Variants in SLC25A43 observed in about 807,000 individuals in gnomAD.
The protein encoded by SLC25A43 is solute carrier family 25, member 43.
Under a neutral mutation model 22.8 loss-of-function variants are expected in SLC25A43, and 10 were observed. The ratio of observed to expected loss-of-function variants is 0.44; its 90% confidence interval spans 0.27 to 0.74. The LOEUF (loss-of-function observed/expected upper bound fraction) is 0.74, where lower values mean the gene tolerates loss of function less well. SLC25A43 is among the 30% of genes least tolerant of loss of function. The probability of loss-of-function intolerance (pLI) is 0.17; values close to 1 mark genes in which losing one functional copy is unlikely to be tolerated. For synonymous variants in SLC25A43, 106 were observed against 121.6 expected (o/e 0.87, Z 0.84); for missense variants, 233 against 279.1 (o/e 0.83, Z 1.18).
At chrX:119,441,539 T>TGTTTTAAAAGGGATCATCTGTGTC (rs2052623006) in intron 3 of SLC25A43, among the ~76,000 whole-genome samples, 1 of 112,156 alleles carries the variant, frequency 8.9e-6, no homozygotes, top group Admixed American at 9.5e-5. Context: ...AAGAATGCTT[T>TGTTTTAAAAGGGATCATCTGTGTC]GTTTTAAAAG....
intron 3 of SLC25A43, among the ~76,000 whole-genome samples, chrX:119,447,382 T>G (rs113045046): frequency 8.7e-4 from 97 of 111,757 alleles, no homozygotes; most frequent in African/African-American, 2.9e-3. Context: ...CATGGTTCAC[T>G]GCAGCCTCAA....
rs774218273 is a variant in SLC25A43, at chrX:119,418,738, G to C, written c.690+8376G>C. ...AATTATGCATGTGCATGTCTTGATA[G>C]AATGGCTTCTGGTGGGAAGGGGGGT... On this transcript the variant is annotated intron_variant, in intron 3 of 4. Transcript: ENST00000217909. 8.0e-5 allele frequency among the ~76,000 whole-genome samples: 9 copies of C among 112,193 alleles called. No homozygotes were observed. In the South Asian group the frequency reaches 3.4e-3, roughly 42 times the overall value.
intron 2 of SLC25A43, among the ~76,000 whole-genome samples, chrX:119,408,130 A>G (rs1025260064): frequency 9.1e-6 from 1 of 110,143 alleles, no homozygotes; most frequent in African/African-American, 3.3e-5. Flanking sequence ...AGAAAGCCCA[A>G]ATTCCTTAGG....
intron 3 of SLC25A43, among the ~76,000 whole-genome samples, chrX:119,432,075 C>A (rs1407588366): frequency 1.9e-5 from 2 of 107,557 alleles, no homozygotes; most frequent in African/African-American, 6.8e-5. Flanking sequence ...TCACTTGAAC[C>A]CGGGAATGGG....
intron 3 of SLC25A43, among the ~76,000 whole-genome samples, chrX:119,447,826 C>T (rs1273647032): frequency 9.0e-6 from 1 of 110,737 alleles, no homozygotes; most frequent in East Asian, 2.8e-4. Flanking sequence ...TCCCCAGGCT[C>T]AAGCCCTAAG....
intron 3 of SLC25A43, among the ~76,000 whole-genome samples, chrX:119,451,551 C>T (rs1162604155): frequency 1.8e-5 from 2 of 111,625 alleles, no homozygotes; most frequent in Non-Finnish European, 3.8e-5. Flanking sequence ...CAACAGAGAG[C>T]GAGAAGAATG....
chrX:119,433,016 T>C (rs747350561), intron 3 of SLC25A43, among the ~76,000 whole-genome samples: 1 of 110,874 alleles, frequency 9.0e-6, no homozygotes, highest in South Asian at 3.9e-4. Context: ...GAGAATTGTT[T>C]GAACCCGGGA....
rs769092481 is a variant in SLC25A43 at position 119,454,402 on chromosome X, T to C, written c.*1337T>C. ...AAAATTGTTAATTTATACACACACA[T>C]ACACTCATACATAGAGAGAGATTTT... is the stretch of plus-strand genomic sequence containing the variant. On this transcript the variant is annotated 3_prime_UTR_variant, in exon 5 of 5. Coordinates refer to ENST00000217909, the MANE Select transcript of SLC25A43 (RefSeq NM_145305.3). The C allele has an allele frequency of 4.5e-5, 5 of 112,273 alleles. No homozygotes were observed. Among genetic ancestry groups the C allele is most frequent in the South Asian group, 3.7e-4 (1 of 2,714 alleles). 9.3% of individuals were successfully genotyped at this position (112,273 alleles called of 1,213,427 possible). A position where few individuals can be genotyped will look rare whatever the true frequency, so the allele number is the denominator to read the frequency against.
intron 4 of SLC25A43, 129 bp downstream of exon 4, chrX:119,452,272 C>T: frequency 1.3e-6 from 1 of 752,437 alleles, no homozygotes; most frequent in Non-Finnish European, 1.9e-6. Flanking sequence ...AGCACAAGGC[C>T]CATGAATGCA....
At chrX:119,451,895 T>C in intron 3 of SLC25A43, 114 bp from the exon 4 acceptor site, 7 of 1,176,621 alleles carry the variant, frequency 5.9e-6, no homozygotes, top group Non-Finnish European at 8.0e-6. Flanking sequence ...TTTGCCATCA[T>C]CTTGGCCAGG....
chrX:119,400,940 C>G (rs1372319216), intron 1 of SLC25A43, among the ~76,000 whole-genome samples: 1 of 111,539 alleles, frequency 9.0e-6, no homozygotes, highest in East Asian at 2.8e-4. Flanking sequence ...TCACCCTCTT[C>G]TCTACAAAGT....
intron 1 of SLC25A43, among the ~76,000 whole-genome samples, chrX:119,400,910 G>T (rs1303232945): frequency 1.8e-5 from 2 of 111,131 alleles, no homozygotes; most frequent in Admixed American, 9.6e-5. Context: ...GAGTCTTAAT[G>T]ACTCAGTTTC....
chrX:119,432,148 A>C (rs955773993), intron 3 of SLC25A43, among the ~76,000 whole-genome samples: 1 of 110,062 alleles, frequency 9.1e-6, no homozygotes, highest in Non-Finnish European at 1.9e-5. Flanking sequence ...CAAGATATGG[A>C]GAGAGAAAGC....
rs1457904757 is a variant in SLC25A43, at chrX:119,454,037, C to A, written c.*972C>A. ...GTTTATACCATGACTGCTTAATTAT[C>A]CCCCCAAAGACCTTCTGATTGAAGT... On this transcript the variant is annotated 3_prime_UTR_variant, in exon 5 of 5. Coordinates refer to ENST00000217909, the MANE Select transcript of SLC25A43 (RefSeq NM_145305.3). 8.9e-6 allele frequency: 1 copy of A among 112,127 alleles called. No individual in the cohort carries two copies. Among genetic ancestry groups the A allele is most frequent in the Admixed American group, 9.6e-5 (1 of 10,463 alleles). 9.2% of individuals were successfully genotyped at this position (112,127 alleles called of 1,213,427 possible).
intron 3 of SLC25A43, among the ~76,000 whole-genome samples, chrX:119,413,237 A>T (rs1358171731): frequency 8.9e-6 from 1 of 111,949 alleles, no homozygotes; most frequent in Non-Finnish European, 1.9e-5. Context: ...TTTGGGACAT[A>T]CAGAAAAGTG....
At chrX:119,417,117 T>G (rs999459964) in intron 3 of SLC25A43, among the ~76,000 whole-genome samples, 4 of 110,744 alleles carry the variant, frequency 3.6e-5, no homozygotes, top group African/African-American at 1.3e-4. Flanking sequence ...GTAGGGCTAG[T>G]CCGTGAAAAA....
intron 1 of SLC25A43, 115 bp downstream of exon 1, chrX:119,399,793 C>T (rs2052220994): frequency 1.2e-6 from 1 of 827,191 alleles, no homozygotes; most frequent in South Asian, 4.4e-5. Flanking sequence ...GGGACGGCCC[C>T]CTTGTCGATC....
chrX:119,426,695 C>T (rs1158995268), intron 3 of SLC25A43, among the ~76,000 whole-genome samples: 5 of 109,830 alleles, frequency 4.6e-5, no homozygotes, highest in African/African-American at 1.7e-4. Flanking sequence ...TGGTGGCGCG[C>T]GCCCGTAGTC....
intron 3 of SLC25A43, chrX:119,423,216 C>CT (rs1351614549): frequency 8.9e-6 from 1 of 112,183 alleles, no homozygotes; most frequent in Non-Finnish European, 1.9e-5. Flanking sequence ...ACCAGCACAA[C>CT]TCAAATCCAT....
Sources: allele counts gnomAD v4.1 joint callset (sites outside exome capture counted in the v4.1 genomes callset), GRCh38; gene constraint gnomAD v4.1.1; transcripts MANE v1.5; gene names NCBI Gene and HGNC (gene_info 2026-07-23, HGNC 2026-07-21).